Variants in SORCS2 observed in about 807,000 individuals in gnomAD.
The protein encoded by SORCS2 is sortilin related VPS10 domain containing receptor 2.
Under a neutral mutation model 141.6 loss-of-function variants are expected in SORCS2, and 100 were observed. That is an observed-to-expected ratio of 0.71 (90% CI 0.60 to 0.83). The LOEUF is 0.83. SORCS2 is among the 40% of genes least tolerant of loss of function. The pLI is 0.00. For missense variants in SORCS2, 1,646 were observed against 1,560.2 expected, an observed-to-expected ratio of 1.05 and a Z score of -0.93; for synonymous variants, 789 against 676.9, an observed-to-expected ratio of 1.17 and a Z score of -2.57.
intron 3 of SORCS2, among the ~76,000 whole-genome samples, chr4:7,595,786 C>G (rs552746841): frequency 1.3e-5 from 2 of 152,300 alleles, no homozygotes; most frequent in East Asian, 3.9e-4. Flanking sequence ...GACAGTGGTT[C>G]TGACTCTAGT....
At chr4:7,357,476 G>A (rs1721327627) in intron 1 of SORCS2, among the ~76,000 whole-genome samples, 1 of 152,244 alleles carries the variant, frequency 6.6e-6, no homozygotes, top group African/African-American at 2.4e-5. Flanking sequence ...GAGCTCTGGA[G>A]ATGGAGGCGT....
chr4:7,242,225 G>A (rs1018266666), intron 1 of SORCS2, among the ~76,000 whole-genome samples: 16 of 151,968 alleles, frequency 1.1e-4, no homozygotes, highest in Non-Finnish European at 2.1e-4. Flanking sequence ...TAAAAGACAG[G>A]GTCTCATTCT....
At chr4:7,724,277 G>GTGA (rs770037495) in intron 19 of SORCS2, among the ~76,000 whole-genome samples, 5,243 of 142,754 alleles carry the variant, frequency 0.037, 364 homozygotes, top group African/African-American at 0.12. Flanking sequence ...GATGATGGTG[G>GTGA]TGGTGGTGGT....
rs79879953 is a variant in SORCS2 at position 7,686,824 on chromosome 4, G to A, written c.1489-2662G>A. ...CACCTGCAGCTGCCCCAGGAGAAGG[G>A]GGAGCCGTCTGTTTGGCCGTCAGCA... On this transcript the variant is annotated intron_variant, in intron 10 of 26. Transcript: ENST00000507866. Among the ~76,000 whole-genome samples the A allele has an allele frequency of 7.9e-4, 121 of 152,366 alleles. 2 individuals are homozygous for A. The highest frequency in any genetic ancestry group is 2.9e-3 in the African/African-American group (119 of 41,594).
chr4:7,629,579 C>A (rs1382753588), intron 3 of SORCS2, among the ~76,000 whole-genome samples: 1 of 151,970 alleles, frequency 6.6e-6, no homozygotes, highest in African/African-American at 2.4e-5. Context: ...CGCTCCCCAC[C>A]CGCTGATCTC....
At chr4:7,719,835 C>G (rs1726460003) in intron 18 of SORCS2, among the ~76,000 whole-genome samples, 1 of 152,210 alleles carries the variant, frequency 6.6e-6, no homozygotes. Context: ...GCCCAGGGGG[C>G]CGGGACCCTT....
intron 1 of SORCS2, among the ~76,000 whole-genome samples, chr4:7,289,550 A>G (rs1260125901): frequency 6.6e-6 from 1 of 152,188 alleles, no homozygotes; most frequent in African/African-American, 2.4e-5. Flanking sequence ...ATGTTTGATG[A>G]ATTCATTGAA....
intron 1 of SORCS2, among the ~76,000 whole-genome samples, chr4:7,284,372 C>T (rs1313233175): frequency 6.6e-6 from 1 of 152,212 alleles, no homozygotes; most frequent in Non-Finnish European, 1.5e-5. Context: ...TATCAACCTC[C>T]CTGAGCCTGT....
intron 2 of SORCS2, among the ~76,000 whole-genome samples, chr4:7,477,757 A>G (rs1730393113): frequency 6.6e-6 from 1 of 152,200 alleles, no homozygotes; most frequent in African/African-American, 2.4e-5. Flanking sequence ...AAATGTGTGT[A>G]GGAACATGAA....
intron 2 of SORCS2, among the ~76,000 whole-genome samples, chr4:7,452,140 CTCT>C (rs897867691): frequency 4.0e-5 from 6 of 151,830 alleles, no homozygotes; most frequent in Non-Finnish European, 8.8e-5. Context: ...AGATGGAAGG[CTCT>C]TCTTTTTTTT....
intron 1 of SORCS2, among the ~76,000 whole-genome samples, chr4:7,205,288 C>T (rs1577272946): frequency 6.6e-6 from 1 of 152,176 alleles, no homozygotes; most frequent in East Asian, 1.9e-4. Flanking sequence ...GCTCTTAGCT[C>T]TCTCTGTGCC....
chr4:7,355,234 TCTC>T (rs1481540406), intron 1 of SORCS2, among the ~76,000 whole-genome samples: 5 of 152,002 alleles, frequency 3.3e-5, no homozygotes, highest in African/African-American at 1.2e-4. Context: ...CACTCTCCCT[TCTC>T]CTTCTCTGTC....
intron 4 of SORCS2, among the ~76,000 whole-genome samples, chr4:7,640,393 T>G (rs56012014): frequency 0.12 from 18,191 of 149,282 alleles, 1,323 homozygotes; most frequent in Middle Eastern, 0.18. Context: ...TGTGTGGGTG[T>G]GTGAGTGTGT....
chr4:7,341,173 C>T (rs995343004), intron 1 of SORCS2, among the ~76,000 whole-genome samples: 4 of 152,214 alleles, frequency 2.6e-5, no homozygotes, highest in African/African-American at 7.2e-5. Context: ...GAAATGTTGG[C>T]GGATGGAAGC....
intron 3 of SORCS2, among the ~76,000 whole-genome samples, chr4:7,601,806 A>T (rs1250647509): frequency 1.3e-5 from 2 of 152,200 alleles, no homozygotes; most frequent in East Asian, 1.9e-4. Flanking sequence ...TCCTAGGCGG[A>T]GGACCCTGCC....
chr4:7,734,922 G>T (rs6848984), intron 25 of SORCS2, among the ~76,000 whole-genome samples: 1 of 152,100 alleles, frequency 6.6e-6, no homozygotes, highest in African/African-American at 2.4e-5. Context: ...TGCCGAGGCT[G>T]GGGTGAGGTG....
intron 3 of SORCS2, among the ~76,000 whole-genome samples, chr4:7,630,460 C>A (rs542755067): frequency 6.6e-6 from 1 of 152,178 alleles, no homozygotes; most frequent in African/African-American, 2.4e-5. Context: ...AAATTATTAT[C>A]TCCAATTTGA....
chr4:7,585,322 C>T (rs1027727752), intron 3 of SORCS2, among the ~76,000 whole-genome samples: 6 of 152,160 alleles, frequency 3.9e-5, no homozygotes, highest in Admixed American at 1.3e-4. Context: ...TCTCAAAACC[C>T]GCCGGACTTC....
At chr4:7,316,852 T>C (rs1032938330) in intron 1 of SORCS2, among the ~76,000 whole-genome samples, 2 of 152,108 alleles carry the variant, frequency 1.3e-5, no homozygotes, top group African/African-American at 2.4e-5. Flanking sequence ...GAGGAAGAAG[T>C]GAGACCCCAG....
Sources: gnomAD v4.1 joint callset for allele counts (sites outside exome capture counted in the v4.1 genomes callset) on GRCh38, gnomAD v4.1.1 for gene constraint, MANE v1.5 for transcripts, NCBI Gene and HGNC (gene_info 2026-07-23, HGNC 2026-07-21) for gene names.